CWF19L2: variants seen among roughly 807,000 people sequenced by gnomAD.
CWF19L2 encodes the protein CWF19-like protein 2.
A neutral mutation model predicts 111.7 loss-of-function variants in CWF19L2; 98 were observed. The ratio of observed to expected loss-of-function variants is 0.88; its 90% confidence interval spans 0.75 to 1.04. The LOEUF is 1.04. CWF19L2 is among the 50% of genes least tolerant of loss of function. CWF19L2 has a pLI of 0.00. For synonymous variants in CWF19L2, 351 were observed against 342.9 expected (o/e 1.02, Z -0.26); for missense variants, 1,101 against 1,051.4 (o/e 1.05, Z -0.65).
chr11:107,403,714 C>T (rs554592274), intron 10 of CWF19L2: 65 of 829,490 alleles, frequency 7.8e-5, no homozygotes, highest in African/African-American at 6.8e-4. Context: ...CTTGCTCTGC[C>T]GCCTCCTTCT....
At chr11:107,388,843 G>GGA (rs1860808597) in intron 12 of CWF19L2, among the ~76,000 whole-genome samples, 3 of 152,064 alleles carry the variant, frequency 2.0e-5, no homozygotes, top group Non-Finnish European at 4.4e-5. Flanking sequence ...CCTTCTTTCT[G>GGA]CATTAAAATT....
At position 107,360,096 on chromosome 11, in the gene CWF19L2, C is replaced by A. The variant is rs114389425; in HGVS notation, c.1873-6360G>T. On this transcript the variant is annotated intron_variant, in intron 12 of 17. Coordinates refer to ENST00000282251, the MANE Select transcript of CWF19L2 (RefSeq NM_152434.3). The stretch of plus-strand genomic sequence containing the variant: ...TTGCATCCATTAAGTAATTTCTCAT[C>A]ATCTGTCCTCCTCCCACCCCCTTAT... Among the ~76,000 whole-genome samples, 1,425 of 152,298 alleles carry A rather than the reference C, an allele frequency of 9.4e-3. 20 individuals carry two copies. The highest frequency in any genetic ancestry group is 0.032 in the African/African-American group (1,331 of 41,564).
chr11:107,409,095 T>TAA (rs143841792), intron 10 of CWF19L2, among the ~76,000 whole-genome samples: 25 of 141,348 alleles, frequency 1.8e-4, no homozygotes, highest in African/African-American at 5.2e-4. Context: ...GCTAAAACAT[T>TAA]AAAAAAAAAA....
At chr11:107,400,647 T>C (rs899540240) in intron 10 of CWF19L2, among the ~76,000 whole-genome samples, 2 of 152,092 alleles carry the variant, frequency 1.3e-5, no homozygotes, top group African/African-American at 4.8e-5. Context: ...CAAAGAAGAA[T>C]TGGTACCAAT....
chr11:107,442,359 T>C (rs1484214160), intron 4 of CWF19L2, among the ~76,000 whole-genome samples: 1 of 152,184 alleles, frequency 6.6e-6, no homozygotes, highest in Non-Finnish European at 1.5e-5. Context: ...TATTCATTTA[T>C]TCTCAAAAGT....
chr11:107,384,025 G>A (rs1326503881), intron 12 of CWF19L2, among the ~76,000 whole-genome samples: 4 of 152,156 alleles, frequency 2.6e-5, no homozygotes, highest in African/African-American at 9.7e-5. Flanking sequence ...GCTCCATAAA[G>A]TCAAGGATCA....
At chr11:107,389,339 G>C (rs1254517854) in intron 12 of CWF19L2, among the ~76,000 whole-genome samples, 2 of 152,194 alleles carry the variant, frequency 1.3e-5, no homozygotes, top group East Asian at 1.9e-4. Context: ...CCATTATAGA[G>C]TGAAGGCAGC....
intron 3 of CWF19L2, among the ~76,000 whole-genome samples, chr11:107,445,345 C>A (rs961906260): frequency 6.6e-6 from 1 of 152,170 alleles, no homozygotes; most frequent in Non-Finnish European, 1.5e-5. Flanking sequence ...GTGGCTCACG[C>A]CTGTAATCCC....
chr11:107,356,672 A>G (rs573829607), intron 12 of CWF19L2, among the ~76,000 whole-genome samples: 1 of 152,372 alleles, frequency 6.6e-6, no homozygotes, highest in Admixed American at 6.5e-5. Flanking sequence ...GTGTCCAACT[A>G]CATGCCAGAT....
chr11:107,450,604 A>T (rs908989092), intron 3 of CWF19L2, among the ~76,000 whole-genome samples: 1 of 152,120 alleles, frequency 6.6e-6, no homozygotes, highest in African/African-American at 2.4e-5. Context: ...GAGATAAAAA[A>T]GCAAGACCCA....
At chr11:107,411,078 C>T (rs183753189) in intron 10 of CWF19L2, among the ~76,000 whole-genome samples, 122 of 95,838 alleles carry the variant, frequency 1.3e-3, no homozygotes, top group African/African-American at 4.8e-3. Flanking sequence ...TGTGTGTGTG[C>T]GCGCGTGCGT....
intron 12 of CWF19L2, among the ~76,000 whole-genome samples, chr11:107,359,485 CTA>C (rs1200371498): frequency 2.6e-5 from 4 of 152,316 alleles, no homozygotes; most frequent in Admixed American, 6.5e-5. Flanking sequence ...TGATCCACAA[CTA>C]GGATCCACAG....
chr11:107,405,850 A>AAAAAAGAAGAAG (rs5794548), intron 10 of CWF19L2, among the ~76,000 whole-genome samples: 1 of 141,846 alleles, frequency 7.0e-6, no homozygotes. Flanking sequence ...AAAAAAAAAA[A>AAAAAAGAAGAAG]AAGAAGAAGA....
intron 13 of CWF19L2, among the ~76,000 whole-genome samples, chr11:107,352,554 G>C (rs1860172167): frequency 6.6e-6 from 1 of 152,054 alleles, no homozygotes; most frequent in Non-Finnish European, 1.5e-5. Context: ...TCTTATTTAA[G>C]TTATAACCAT....
At chr11:107,402,076 T>C (rs536072677) in intron 10 of CWF19L2, among the ~76,000 whole-genome samples, 2 of 152,004 alleles carry the variant, frequency 1.3e-5, no homozygotes, top group African/African-American at 4.8e-5. Flanking sequence ...TATACAAAAA[T>C]CAACTCAAGA....
intron 7 of CWF19L2, among the ~76,000 whole-genome samples, chr11:107,431,910 T>C (rs954640193): frequency 6.6e-6 from 1 of 152,156 alleles, no homozygotes; most frequent in Admixed American, 6.5e-5. Flanking sequence ...TATGCAAAGT[T>C]TGATGCCTAT....
At chr11:107,402,871 G>GTATATATATATATATATA (rs767099135) in intron 10 of CWF19L2, among the ~76,000 whole-genome samples, 609 of 56,814 alleles carry the variant, frequency 0.011, 96 homozygotes, top group Middle Eastern at 0.016. Flanking sequence ...AAACTGTGGT[G>GTATATATATATATATATA]TGTATATATA....
chr11:107,410,012 T>A (rs1442046444), intron 10 of CWF19L2, among the ~76,000 whole-genome samples: 1 of 152,096 alleles, frequency 6.6e-6, no homozygotes, highest in East Asian at 1.9e-4. Flanking sequence ...ATAAGGAAAC[T>A]AATAATTAAT....
chr11:107,371,606 A>G (rs148324358), intron 12 of CWF19L2, among the ~76,000 whole-genome samples: 2 of 138,282 alleles, frequency 1.4e-5, no homozygotes, highest in East Asian at 2.1e-4. Flanking sequence ...ATACACTAAA[A>G]TATACTGAAA....
Sources: allele counts gnomAD v4.1 joint callset (sites outside exome capture counted in the v4.1 genomes callset), GRCh38; gene constraint gnomAD v4.1.1; transcripts MANE v1.5; gene names NCBI Gene and HGNC (gene_info 2026-07-23, HGNC 2026-07-21).